Variants in SLC12A2 observed in about 807,000 individuals in gnomAD.
The protein encoded by SLC12A2 is solute carrier family 12 member 2.
A neutral mutation model predicts 136.3 loss-of-function variants in SLC12A2; 67 were observed. The ratio of observed to expected loss-of-function variants is 0.49; its 90% confidence interval spans 0.40 to 0.60. The LOEUF (loss-of-function observed/expected upper bound fraction) is 0.60. SLC12A2 is among the 20% of genes least tolerant of loss of function. The pLI, the probability that SLC12A2 is intolerant of heterozygous loss-of-function variation, is 0.00. For synonymous variants in SLC12A2, 619 were observed against 562.9 expected, an observed-to-expected ratio of 1.10 and a Z score of -1.41; for missense variants, 1,322 against 1,534.7, an observed-to-expected ratio of 0.86 and a Z score of 2.32.
At chr5:128,114,016 A>C (rs1283152756) in intron 2 of SLC12A2, among the ~76,000 whole-genome samples, 196 bp from the exon 3 acceptor site, 1 of 152,182 alleles carries the variant, frequency 6.6e-6, no homozygotes, top group African/African-American at 2.4e-5. Flanking sequence ...CATTGTGTTT[A>C]TATTAGCTCA....
intron 26 of SLC12A2, among the ~76,000 whole-genome samples, chr5:128,186,238 G>A (rs1231615381): frequency 6.6e-6 from 1 of 152,100 alleles, no homozygotes; most frequent in African/African-American, 2.4e-5. Flanking sequence ...ATCTAGGTTT[G>A]TGTAAGTACT....
chr5:128,083,921 C>T lies in SLC12A2; in HGVS notation c.-34C>T. 1.6e-6 allele frequency: 2 copies of T among 1,219,318 alleles called. No individual in the cohort carries two copies. The highest frequency in any genetic ancestry group is 3.3e-5 in the East Asian group (1 of 30,342). The allele number at this position is 1,219,318 out of a possible 1,614,324, so 75.5% of individuals were successfully genotyped here. ...AGGGCGTGCTGCCGGAGACGTCCGC[C>T]GGGCTCTGCAGTTCCGCCGGGGGTC... On this transcript the variant is annotated 5_prime_UTR_variant, in exon 1 of 27. Transcript: ENST00000262461.
chr5:128,140,306 G>A (rs1374987220), intron 9 of SLC12A2, among the ~76,000 whole-genome samples: 2 of 151,956 alleles, frequency 1.3e-5, no homozygotes, highest in Non-Finnish European at 2.9e-5. Flanking sequence ...GCCTGAATTG[G>A]CATTTACAGA....
chr5:128,147,953 AG>A (rs1762583270), intron 11 of SLC12A2, among the ~76,000 whole-genome samples: 1 of 151,516 alleles, frequency 6.6e-6, no homozygotes, highest in South Asian at 2.1e-4. Context: ...ATATTCTTTG[AG>A]TCTTTTTAGA....
intron 17 of SLC12A2, among the ~76,000 whole-genome samples, chr5:128,165,971 A>C (rs1417180683): frequency 3.4e-5 from 5 of 145,282 alleles, no homozygotes; most frequent in African/African-American, 1.3e-4. Context: ...TAGTTTTAAA[A>C]AACTAAAATG....
At position 128,087,046 on chromosome 5, in the gene SLC12A2, G is replaced by A. The variant is rs561276244; in HGVS notation, c.756+2336G>A. Reference sequence around the variant, plus strand: ...TGGGAACTACAGAAGAAGAAAAGAAGTAAAATACTTCAGAAACTTGTTAGG... The same window carrying A: ...TGGGAACTACAGAAGAAGAAAAGAAATAAAATACTTCAGAAACTTGTTAGG... On this transcript the variant is annotated intron_variant, in intron 1 of 26. Transcript: ENST00000262461. 2.0e-5 allele frequency among the ~76,000 whole-genome samples: 3 copies of A among 152,304 alleles called. No individual in the cohort carries two copies. The South Asian group carries it at 6.2e-4, about 32-fold the overall frequency.
intron 17 of SLC12A2, among the ~76,000 whole-genome samples, chr5:128,163,875 C>T (rs1436542388): frequency 6.6e-6 from 1 of 151,884 alleles, no homozygotes; most frequent in South Asian, 2.1e-4. Context: ...TTCTTAACGG[C>T]GCGGTAGATA....
intron 10 of SLC12A2, among the ~76,000 whole-genome samples, chr5:128,147,403 T>C (rs1762561306): frequency 1.3e-5 from 2 of 151,702 alleles, no homozygotes; most frequent in Non-Finnish European, 3.0e-5. Context: ...TGCCATTGTG[T>C]GTGTTTAACA....
At chr5:128,092,207 G>T (rs907007784) in intron 1 of SLC12A2, among the ~76,000 whole-genome samples, 1 of 152,136 alleles carries the variant, frequency 6.6e-6, no homozygotes, top group Non-Finnish European at 1.5e-5. Flanking sequence ...ACAATTATAC[G>T]TTTGAAACAC....
Position 128,165,982 on chromosome 5 carries a change from A to C in SLC12A2, c.2617-1779A>C, listed in dbSNP as rs923262494. Among the ~76,000 whole-genome samples the C allele has an allele frequency of 2.9e-5, 4 of 137,650 alleles. No individual in the cohort carries two copies. In the East Asian group the frequency reaches 7.0e-4, roughly 24 times the overall value. 90.3% of individuals were successfully genotyped at this position (137,650 alleles called of 152,430 possible). A position where few individuals can be genotyped will look rare whatever the true frequency, so the allele number is the denominator to read the frequency against. ...AAGATAGTTTTAAAAAACTAAAATG[A>C]ATATTTTTATCTGCCTCTCCAAGTC... On this transcript the variant is annotated intron_variant, in intron 17 of 26. Coordinates refer to ENST00000262461, the MANE Select transcript of SLC12A2 (RefSeq NM_001046.3).
At chr5:128,094,310 A>G (rs575082024) in intron 1 of SLC12A2, among the ~76,000 whole-genome samples, 1 of 151,728 alleles carries the variant, frequency 6.6e-6, no homozygotes, top group South Asian at 2.1e-4. Flanking sequence ...ATGTGGTACA[A>G]AAGAATCTTA....
At chr5:128,088,802 T>A (rs1760199011) in intron 1 of SLC12A2, among the ~76,000 whole-genome samples, 1 of 152,108 alleles carries the variant, frequency 6.6e-6, no homozygotes, top group Admixed American at 6.5e-5. Flanking sequence ...TCACTTTGCT[T>A]GTTGGATTTT....
chr5:128,107,541 T>C (rs1310765602), intron 1 of SLC12A2, among the ~76,000 whole-genome samples: 1 of 152,136 alleles, frequency 6.6e-6, no homozygotes, highest in Non-Finnish European at 1.5e-5. Context: ...GAACATGCAG[T>C]GTTTGGTTTT....
Position 128,163,518 on chromosome 5 carries a change from G to T in SLC12A2, c.2616+1718G>T, listed in dbSNP as rs1046616217. Among the ~76,000 whole-genome samples the T allele has an allele frequency of 4.0e-5, 6 of 151,578 alleles. No individual in the cohort carries two copies. In the East Asian group the frequency reaches 1.2e-3, roughly 29 times the overall value. On this transcript the variant is annotated intron_variant, in intron 17 of 26. Transcript: ENST00000262461. ...CACTCCAGTTTGGGCGATAGAGCGA[G>T]ACCCCATCTCAAAAAAAAAAAGAAA...
In SLC12A2 at chr5:128,138,863, A is replaced by G. The variant is rs768646451; in HGVS notation, c.1576A>G (p.Ile526Val). 1.3e-5 allele frequency: 21 copies of G among 1,613,230 alleles called. No homozygotes were observed. The highest frequency in any genetic ancestry group is 1.4e-5 in the Non-Finnish European group (16 of 1,179,550). ...SAIPKGTLLA[I>V]LITTLVYVGI... ...CATACCCAAAGGAACACTCCTAGCC[A>G]TTTTAATTACTACATTGGTTTACGT... Residue 526 changes from isoleucine (I) to valine (V), a missense_variant, in exon 9 of 27, where the codon ATT becomes GTT. By Grantham distance (29) the Ile-to-Val change is conservative. Coordinates refer to ENST00000262461, the MANE Select transcript of SLC12A2 (RefSeq NM_001046.3).
chr5:128,117,454 A>G (rs1407085590), intron 4 of SLC12A2, among the ~76,000 whole-genome samples: 1 of 152,200 alleles, frequency 6.6e-6, no homozygotes, highest in Non-Finnish European at 1.5e-5. Flanking sequence ...GTGTTGAATC[A>G]AACTCCTGAA....
chr5:128,092,464 T>C (rs1760368715), intron 1 of SLC12A2, among the ~76,000 whole-genome samples: 1 of 152,348 alleles, frequency 6.6e-6, no homozygotes, highest in African/African-American at 2.4e-5. Context: ...GATTATGGCC[T>C]GTTACCATTT....
intron 7 of SLC12A2, 58 bp from the exon 8 acceptor site, chr5:128,138,539 A>C: frequency 1.3e-6 from 2 of 1,495,890 alleles, no homozygotes; most frequent in Non-Finnish European, 1.8e-6. Context: ...TCTTGACCTC[A>C]GTTATTATAG....
chr5:128,150,156 A>T, intron 13 of SLC12A2, 58 bp downstream of exon 13: 1 of 1,116,032 alleles, frequency 9.0e-7, no homozygotes, highest in Non-Finnish European at 1.3e-6. Flanking sequence ...AAAGAAAATA[A>T]AACTTTTGCC....
Sources: gnomAD v4.1 joint callset for allele counts (sites outside exome capture counted in the v4.1 genomes callset) on GRCh38, gnomAD v4.1.1 for gene constraint, MANE v1.5 for transcripts, NCBI Gene and HGNC (gene_info 2026-07-23, HGNC 2026-07-21) for gene names.